The following SCAPER variants were observed in gnomAD, a reference collection of about 807,000 sequenced individuals.
SCAPER encodes S phase cyclin A-associated protein in the endoplasmic reticulum.
A neutral mutation model predicts 182.2 loss-of-function variants in SCAPER; 98 were observed. The observed-to-expected ratio is 0.54, with a 90% CI of 0.46 to 0.64. The LOEUF is 0.64. SCAPER is among the 30% of genes least tolerant of loss of function. The probability of loss-of-function intolerance (pLI) is 0.00; values close to 1 mark genes in which losing one functional copy is unlikely to be tolerated. For missense variants in SCAPER, 1,432 were observed against 1,690.0 expected (o/e 0.85, Z 2.68); for synonymous variants, 605 against 564.6 (o/e 1.07, Z -1.01).
Position 76,841,835 on chromosome 15 carries a change from G to C in SCAPER, c.292C>G (p.Leu98Val), listed in dbSNP as rs568176044. 1.2e-6 allele frequency: 2 copies of C among 1,613,928 alleles called. No homozygotes were observed. Among genetic ancestry groups the C allele is most frequent in the South Asian group, 1.1e-5 (1 of 91,084 alleles). Residue 98 changes from leucine (L) to valine (V), a missense_variant, in exon 5 of 32, where the codon CTA (leucine) becomes GTA (valine). Leu to Val is a conservative substitution (Grantham distance 32). Around this residue, in one of 5 missense-constraint regions of SCAPER, gnomAD observed 480 missense variants for 510.2 expected, o/e 0.94. Transcript: ENST00000563290. ...AGAAATGCCCAGTATCGAGCTCTTA[G>C]ATCAATTTTCCGAGGGTGCCTTGTT... ...TKTRHPRKID[L>V]RARYWAFLFD...
At chr15:76,569,783 C>T (rs1382482440) in intron 23 of SCAPER, among the ~76,000 whole-genome samples, 1 of 151,922 alleles carries the variant, frequency 6.6e-6, no homozygotes, top group Non-Finnish European at 1.5e-5. Flanking sequence ...TCTTCCAGTG[C>T]TTGCTTTATT....
chr15:76,734,163 A>C (rs1313327738), intron 15 of SCAPER, among the ~76,000 whole-genome samples: 1 of 152,240 alleles, frequency 6.6e-6, no homozygotes, highest in African/African-American at 2.4e-5. Context: ...TGACAATTAG[A>C]TACAAGGTAC....
Position 76,774,945 on chromosome 15 carries a change from T to C in SCAPER, c.945A>G (p.Gln315=), listed in dbSNP as rs766998483. The part of the protein sequence containing the change: ...LLPDESIQKG[Q]FVGDGTSNTI... ...TATTAGAAGTTCCATCTCCAACAAA[T>C]TGACCTTTCTGTATGCTTTCATCAG... Residue 315 remains glutamine, a synonymous_variant, in exon 9 of 32, where the codon CAA becomes CAG. Coordinates refer to ENST00000563290, the MANE Select transcript of SCAPER (RefSeq NM_020843.4). 13 of 1,613,708 alleles carry C rather than the reference T, an allele frequency of 8.1e-6. No homozygotes were observed. Among genetic ancestry groups the C allele is most frequent in the South Asian group, 7.7e-5 (7 of 91,082 alleles).
chr15:76,432,490 G>C (rs911468243), intron 26 of SCAPER, among the ~76,000 whole-genome samples: 2 of 152,232 alleles, frequency 1.3e-5, no homozygotes, highest in Non-Finnish European at 1.5e-5. Context: ...ATACAGAGGA[G>C]TGCATTCTTG....
chr15:76,751,135 A>G (rs2062062419), intron 15 of SCAPER, among the ~76,000 whole-genome samples: 1 of 151,886 alleles, frequency 6.6e-6, no homozygotes, highest in African/African-American at 2.4e-5. Context: ...TCCATTAACA[A>G]TAGCACCAAA....
At chr15:76,397,474 CTT>C (rs71143321) in intron 27 of SCAPER, among the ~76,000 whole-genome samples, 11 of 71,540 alleles carry the variant, frequency 1.5e-4, no homozygotes, top group African/African-American at 5.0e-4. Context: ...TATTGGCAGA[CTT>C]TTTTTTTTTT....
At chr15:76,510,165 G>A (rs566289713) in intron 23 of SCAPER, among the ~76,000 whole-genome samples, 2 of 152,262 alleles carry the variant, frequency 1.3e-5, no homozygotes, top group East Asian at 3.9e-4. Flanking sequence ...CATTGACTTA[G>A]ACAAGGATTT....
intron 28 of SCAPER, among the ~76,000 whole-genome samples, chr15:76,379,538 G>C (rs1409176496): frequency 6.6e-6 from 1 of 152,054 alleles, no homozygotes; most frequent in Non-Finnish European, 1.5e-5. Flanking sequence ...AACCACTCTG[G>C]TTTTATTCCT....
chr15:76,462,306 T>C (rs2049251722), intron 25 of SCAPER, among the ~76,000 whole-genome samples: 1 of 152,204 alleles, frequency 6.6e-6, no homozygotes, highest in Admixed American at 6.5e-5. Context: ...TGTTTTCACA[T>C]ACTTTACTCA....
In SCAPER at chr15:76,699,157, C is replaced by A. The variant is rs556490547; in HGVS notation, c.2508+2601G>T. ...TGAAGTTGTTTATCAGATCTAGGAG[C>A]TCTGGAGCAGACCCTTTTAGGTTTT... On this transcript the variant is annotated intron_variant, in intron 20 of 31. Transcript: ENST00000563290. Among the ~76,000 whole-genome samples the A allele has an allele frequency of 1.1e-4, 17 of 152,274 alleles. 2 individuals carry two copies. In the South Asian group the frequency reaches 3.5e-3, roughly 32 times the overall value.
chr15:76,559,200 A>G (rs1365789486), intron 23 of SCAPER, among the ~76,000 whole-genome samples: 1 of 77,018 alleles, frequency 1.3e-5, no homozygotes, highest in African/African-American at 4.5e-5. Flanking sequence ...ACACCCAGCT[A>G]ATTTTTTTTT....
rs73455125 is a variant in SCAPER at position 76,544,519 on chromosome 15, A to G, written c.2838+29639T>C. On this transcript the variant is annotated intron_variant, in intron 23 of 31. Coordinates refer to ENST00000563290, the MANE Select transcript of SCAPER (RefSeq NM_020843.4). ...AGAATGCGGATACAAGCTATAATGT[A>G]GATGAGCCTTGAAATTTATCTAATG... 6.7e-3 allele frequency among the ~76,000 whole-genome samples: 1,017 copies of G among 152,338 alleles called. 14 individuals are homozygous for G. Among genetic ancestry groups the G allele is most frequent in the African/African-American group, 0.023 (971 of 41,588 alleles).
intron 21 of SCAPER, 118 bp from the exon 22 acceptor site, chr15:76,621,947 T>C (rs2052103896): frequency 4.6e-6 from 3 of 656,550 alleles, no homozygotes; most frequent in East Asian, 2.8e-5. Context: ...AATCTGGTGA[T>C]TGAAGTGGCT....
chr15:76,527,370 T>C (rs529809524), intron 23 of SCAPER, among the ~76,000 whole-genome samples: 1 of 152,292 alleles, frequency 6.6e-6, no homozygotes, highest in African/African-American at 2.4e-5. Flanking sequence ...AGCTTCATAG[T>C]TGCTTTCCTT....
chr15:76,659,402 C>T (rs1567724897), intron 21 of SCAPER, among the ~76,000 whole-genome samples: 1 of 152,124 alleles, frequency 6.6e-6, no homozygotes, highest in Non-Finnish European at 1.5e-5. Flanking sequence ...TTCTGAGAAG[C>T]TGGGACCACA....
At chr15:76,498,463 G>A (rs371397633) in intron 24 of SCAPER, 1 of 152,290 alleles carries the variant, frequency 6.6e-6, no homozygotes, top group East Asian at 1.9e-4. Flanking sequence ...AGTCACGGGA[G>A]AGCAATTCTG....
chr15:76,709,279 G>A (rs1173473993), intron 17 of SCAPER, among the ~76,000 whole-genome samples: 6 of 151,964 alleles, frequency 3.9e-5, no homozygotes, highest in African/African-American at 1.2e-4. Flanking sequence ...CTACAGGCAC[G>A]TGCCACCATG....
chr15:76,739,338 C>T (rs1391668594), intron 15 of SCAPER, among the ~76,000 whole-genome samples: 1 of 152,170 alleles, frequency 6.6e-6, no homozygotes, highest in Non-Finnish European at 1.5e-5. Flanking sequence ...GATTTCTTTC[C>T]TTTCCTTAGT....
intron 29 of SCAPER, among the ~76,000 whole-genome samples, chr15:76,356,588 T>C (rs1179236685): frequency 6.6e-6 from 1 of 152,210 alleles, no homozygotes; most frequent in East Asian, 1.9e-4. Context: ...TCTCTCCATT[T>C]GCCTTACTGA....
Sources: gnomAD v4.1 joint callset for allele counts (sites outside exome capture counted in the v4.1 genomes callset) on GRCh38, gnomAD v4.1.1 for gene constraint, gnomAD v4.1.1 regional missense constraint, MANE v1.5 for transcripts, NCBI Gene and HGNC (gene_info 2026-07-23, HGNC 2026-07-21) for gene names.